Variants in PHF20 observed in about 807,000 individuals in gnomAD.
PHF20 encodes glioma-expressed antigen 2.
In PHF20, 23 loss-of-function variants were observed where a neutral mutation model predicts 113.5. That is an observed-to-expected ratio of 0.20 (90% confidence interval 0.15 to 0.29). The LOEUF is 0.29. PHF20 is among the 10% of genes least tolerant of loss of function. The pLI, the probability that PHF20 is intolerant of heterozygous loss-of-function variation, is 1.00. For missense variants in PHF20, 943 were observed against 1,219.6 expected (o/e 0.77, Z 3.38); for synonymous variants, 434 against 457.3 (o/e 0.95, Z 0.65).
At chr20:35,937,324 T>C (rs2055883511) in intron 15 of PHF20, among the ~76,000 whole-genome samples, 2 of 151,896 alleles carry the variant, frequency 1.3e-5, no homozygotes, top group Non-Finnish European at 2.9e-5. Flanking sequence ...CAAAATTAGC[T>C]GGGCATGGTG....
intron 1 of PHF20, among the ~76,000 whole-genome samples, chr20:35,786,575 G>T (rs1436037092): frequency 6.6e-6 from 1 of 151,960 alleles, no homozygotes; most frequent in South Asian, 2.1e-4. Flanking sequence ...GGTGGTGCAC[G>T]CCTGTAGTTT....
chr20:35,846,557 T>C (rs2146943977), intron 3 of PHF20, among the ~76,000 whole-genome samples: 1 of 152,318 alleles, frequency 6.6e-6, no homozygotes. Flanking sequence ...AAAGACCCTT[T>C]AGAAGTGTAG....
chr20:35,835,657 C>T (rs1051283537), intron 2 of PHF20, among the ~76,000 whole-genome samples: 3 of 152,162 alleles, frequency 2.0e-5, no homozygotes, highest in East Asian at 1.9e-4. Context: ...AGTCCGGGCA[C>T]AGTGGCTCAC....
At chr20:35,896,571 G>A (rs989924793) in intron 9 of PHF20, among the ~76,000 whole-genome samples, 3 of 151,846 alleles carry the variant, frequency 2.0e-5, no homozygotes, top group Admixed American at 6.6e-5. Context: ...AGCACTCTGG[G>A]AGGCTGAGGC....
At chr20:35,834,482 C>T (rs1195280367) in intron 2 of PHF20, among the ~76,000 whole-genome samples, 2 of 151,918 alleles carry the variant, frequency 1.3e-5, no homozygotes, top group Non-Finnish European at 1.5e-5. Context: ...AACTCCCAAC[C>T]GTGGGTGATC....
At chr20:35,902,224 C>T (rs1475648914) in intron 10 of PHF20, among the ~76,000 whole-genome samples, 1 of 152,088 alleles carries the variant, frequency 6.6e-6, no homozygotes, top group East Asian at 1.9e-4. Context: ...AAACAACCAG[C>T]ACTGAAGGAC....
intron 15 of PHF20, among the ~76,000 whole-genome samples, chr20:35,932,314 C>T (rs1316516420): frequency 6.6e-6 from 1 of 151,554 alleles, no homozygotes; most frequent in Non-Finnish European, 1.5e-5. Flanking sequence ...AGTGATCCAC[C>T]CACCTCGGGC....
intron 9 of PHF20, among the ~76,000 whole-genome samples, chr20:35,879,845 CG>C (rs2054595643): frequency 1.3e-5 from 2 of 151,122 alleles, no homozygotes; most frequent in Admixed American, 1.3e-4. Context: ...CCAAATTAGC[CG>C]GGTGTGGTGG....
At chr20:35,848,858 T>TAAAAA (rs11472341) in intron 4 of PHF20, among the ~76,000 whole-genome samples, 4 of 133,428 alleles carry the variant, frequency 3.0e-5, no homozygotes, top group Admixed American at 7.7e-5. Flanking sequence ...CTCTGTCTCT[T>TAAAAA]AAAAAAAAAA....
rs184500333 is a variant in PHF20 at position 35,903,306 on chromosome 20, T to C, written c.1561+3658T>C. Among the ~76,000 whole-genome samples, 22 of 152,260 alleles carry C rather than the reference T, an allele frequency of 1.4e-4. No homozygotes were observed. In the East Asian group the frequency reaches 4.1e-3, roughly 28 times the overall value. On this transcript the variant is annotated intron_variant, in intron 10 of 17. Coordinates refer to ENST00000374012, the MANE Select transcript of PHF20 (RefSeq NM_016436.5). ...GTAGGGTTGGACAATTATAAAATGC[T>C]TTAAGGGAAACAAGAGTCTTTTAAA...
chr20:35,870,854 C>T, intron 7 of PHF20, 101 bp from the exon 8 acceptor site: 1 of 754,928 alleles, frequency 1.3e-6, no homozygotes, highest in Non-Finnish European at 2.1e-6. Context: ...AGTAGTCTCT[C>T]TGTAAAGTCC....
At position 35,863,355 on chromosome 20, in the gene PHF20, G is replaced by C. The variant is rs781724302; in HGVS notation, c.763G>C (p.Glu255Gln). ...GAAGAGTCCACAAGAAAACTTGAGG[G>C]AACCCAAAAGAAAACGAGGCAGACC... ...IVKSPQENLR[E>Q]PKRKRGRPPS... The change falls in exon 6 of 18, where the codon GAA (glutamate) becomes CAA (glutamine). Residue 255 changes from glutamate to glutamine, a missense_variant. By Grantham distance (29) the Glu-to-Gln change is conservative. Coordinates refer to ENST00000374012, the MANE Select transcript of PHF20 (RefSeq NM_016436.5). The C allele has an allele frequency of 5.6e-6, 9 of 1,608,030 alleles. No homozygotes were observed. The Admixed American group carries it at 1.6e-4, about 28-fold the overall frequency.
intron 9 of PHF20, among the ~76,000 whole-genome samples, chr20:35,891,396 C>T (rs1470218919): frequency 6.9e-6 from 1 of 145,554 alleles, no homozygotes; most frequent in Admixed American, 6.8e-5. Context: ...AAAAAAAAGG[C>T]AGCACATTGG....
chr20:35,947,670 C>T lies in PHF20; in HGVS notation c.*43C>T. 2 of 1,590,522 alleles carry T rather than the reference C, an allele frequency of 1.3e-6. No homozygotes were observed. The highest frequency in any genetic ancestry group is 1.7e-6 in the Non-Finnish European group (2 of 1,163,358). On this transcript the variant is annotated 3_prime_UTR_variant, in exon 18 of 18. Coordinates refer to ENST00000374012, the MANE Select transcript of PHF20 (RefSeq NM_016436.5). ...TCATGGGGGCACAATCCTGGGGCAC[C>T]TGCAGGAGGAGCTTCGCATATTTAA...
chr20:35,831,799 C>T (rs1478995141), intron 2 of PHF20, among the ~76,000 whole-genome samples: 1 of 152,154 alleles, frequency 6.6e-6, no homozygotes, highest in Non-Finnish European at 1.5e-5. Context: ...GGTATCTCAA[C>T]GTTCTTCATG....
chr20:35,815,064 C>T (rs2034544933), intron 2 of PHF20, among the ~76,000 whole-genome samples: 2 of 151,416 alleles, frequency 1.3e-5, no homozygotes, highest in Non-Finnish European at 2.9e-5. Flanking sequence ...GGTGTGGTGG[C>T]AGGTGCCTGT....
At chr20:35,847,568 A>G in intron 4 of PHF20, 134 bp downstream of exon 4, 1 of 595,960 alleles carries the variant, frequency 1.7e-6, no homozygotes, top group Middle Eastern at 2.7e-4. Flanking sequence ...CAAGTTAATC[A>G]CTATGTCAGG....
chr20:35,931,307 G>T lies in PHF20; in HGVS notation c.2163G>T (p.Met721Ile). The T allele has an allele frequency of 6.2e-7, 1 of 1,614,092 alleles. No homozygotes were observed. Among genetic ancestry groups the T allele is most frequent in the Non-Finnish European group, 8.5e-7 (1 of 1,179,996 alleles). Residue 721 changes from methionine to isoleucine, a missense_variant, in exon 15 of 18, where the codon ATG (methionine) becomes ATT (isoleucine). Met to Ile is a conservative substitution (Grantham distance 10, BLOSUM62 1). Around this residue, in one of 3 missense-constraint regions of PHF20, gnomAD observed 349 missense variants for 412.3 expected, o/e 0.85. Transcript: ENST00000374012. ...YDKEWLSRGH[M>I]HGLAFLEENY... ...AGGAGTGGCTGAGCAGGGGACATATGCATGGCCTGGCATTTCTAGAAGAGA... is the reference window on the plus strand; with the variant it reads ...AGGAGTGGCTGAGCAGGGGACATATTCATGGCCTGGCATTTCTAGAAGAGA...
rs2146989327 is a variant in PHF20, at chr20:35,870,935, C to T, written c.923-20C>T. ...CTTCTTGTTGGTCTCTTGACTACAA[C>T]TCTCTTAATGGTTTAATAGCCCAGG... On this transcript the variant is annotated intron_variant, in intron 7 of 17. Transcript: ENST00000374012. 1 of 1,557,680 alleles carries T rather than the reference C, an allele frequency of 6.4e-7. No homozygotes were observed. Among genetic ancestry groups the T allele is most frequent in the East Asian group, 2.3e-5 (1 of 44,134 alleles).
Sources: gnomAD v4.1 joint callset for allele counts (sites outside exome capture counted in the v4.1 genomes callset) on GRCh38, gnomAD v4.1.1 for gene constraint, gnomAD v4.1.1 regional missense constraint, MANE v1.5 for transcripts, NCBI Gene and HGNC (gene_info 2026-07-23, HGNC 2026-07-21) for gene names.